Variants in PREX2 observed in about 807,000 individuals in gnomAD.
PREX2 encodes phosphatidylinositol-3,4,5-trisphosphate dependent Rac exchange factor 2, also known as phosphatidylinositol 3,4,5-trisphosphate-dependent Rac exchanger 2 protein.
In PREX2, 107 loss-of-function variants were observed where a neutral mutation model predicts 203.2. The observed-to-expected ratio is 0.53, with a 90% confidence interval of 0.45 to 0.62. The LOEUF (loss-of-function observed/expected upper bound fraction) is 0.62. Ranked by LOEUF, PREX2 falls within the 20% of genes least tolerant of loss-of-function variation. PREX2 has a pLI of 0.00. For missense variants in PREX2, 1,777 were observed against 1,955.9 expected (o/e 0.91, Z 1.72); for synonymous variants, 672 against 663.6 (o/e 1.01, Z -0.19).
intron 35 of PREX2, among the ~76,000 whole-genome samples, chr8:68,159,159 T>A (rs1394193237): frequency 6.6e-6 from 1 of 152,116 alleles, no homozygotes; most frequent in Non-Finnish European, 1.5e-5. Context: ...GGGAAGTAAT[T>A]CAAGATTTAA....
rs200889201 is a variant in PREX2 at position 68,231,495 on chromosome 8, T to TC, written c.*118dup. ...ATCAATGCTTTTTTTTTTTTTTTTT[T>TC]CTGTAAATCTTTCTTCCCATTGCAA... On this transcript the variant is annotated 3_prime_UTR_variant, in exon 40 of 40. Coordinates refer to ENST00000288368, the MANE Select transcript of PREX2 (RefSeq NM_024870.4). 8 of 712,000 alleles carry TC rather than the reference T, an allele frequency of 1.1e-5. No individual in the cohort carries two copies. Among genetic ancestry groups the TC allele is most frequent in the South Asian group, 5.4e-5 (2 of 37,110 alleles). The allele number at this position is 712,000 out of a possible 1,614,324, so 44.1% of individuals were successfully genotyped here. A position where few individuals can be genotyped will look rare whatever the true frequency, so the allele number is the denominator to read the frequency against.
intron 3 of PREX2, among the ~76,000 whole-genome samples, 173 bp downstream of exon 3, chr8:68,019,844 GCCT>G (rs1200598675): frequency 6.6e-6 from 1 of 152,170 alleles, no homozygotes; most frequent in Non-Finnish European, 1.5e-5. Context: ...AGGGGAGAGT[GCCT>G]CACATCATCC....
intron 6 of PREX2, among the ~76,000 whole-genome samples, chr8:68,034,161 A>C (rs2129610600): frequency 6.6e-6 from 1 of 152,176 alleles, no homozygotes; most frequent in Middle Eastern, 3.4e-3. Context: ...TGTATGTTTT[A>C]TTTGTTCATT....
At chr8:68,046,444 G>A (rs1208150845) in intron 8 of PREX2, among the ~76,000 whole-genome samples, 3 of 152,072 alleles carry the variant, frequency 2.0e-5, no homozygotes, top group African/African-American at 7.2e-5. Context: ...GACTTGAATT[G>A]CACAGATGGT....
chr8:68,166,942 A>G (rs559812720), intron 35 of PREX2, among the ~76,000 whole-genome samples: 1 of 152,258 alleles, frequency 6.6e-6, no homozygotes, highest in Non-Finnish European at 1.5e-5. Context: ...GACAGAGAAA[A>G]AAAATCAAAG....
chr8:68,030,421 T>C, intron 5 of PREX2, 76 bp from the exon 6 acceptor site: 1 of 1,403,098 alleles, frequency 7.1e-7, no homozygotes, highest in Non-Finnish European at 9.7e-7. Flanking sequence ...GCAGTTTTCA[T>C]TTCCTGGTCA....
chr8:68,181,540 T>G (rs866453607), intron 35 of PREX2, among the ~76,000 whole-genome samples: 21 of 152,258 alleles, frequency 1.4e-4, no homozygotes, highest in South Asian at 2.1e-4. Context: ...TTTGTCTTTC[T>G]CAGTCAGCTA....
Position 68,232,290 on chromosome 8 carries a change from A to G in PREX2, c.*912A>G, listed in dbSNP as rs1026238429. 2.0e-5 allele frequency: 3 copies of G among 152,190 alleles called. No homozygotes were observed. The highest frequency in any genetic ancestry group is 7.2e-5 in the African/African-American group (3 of 41,460). 9.4% of individuals were successfully genotyped at this position (152,190 alleles called of 1,614,324 possible). On this transcript the variant is annotated 3_prime_UTR_variant, in exon 40 of 40. Transcript: ENST00000288368. ...CTCATATGAGAGGTCAGACTCTTCA[A>G]AGAATACACCATCATGAGAATTTTT...
intron 1 of PREX2, among the ~76,000 whole-genome samples, chr8:67,972,825 C>T (rs1805963417): frequency 6.6e-6 from 1 of 152,118 alleles, no homozygotes; most frequent in African/African-American, 2.4e-5. Context: ...TTATATTGCT[C>T]CAGTGAAGAT....
At chr8:68,119,539 T>A (rs751733181) in intron 28 of PREX2, 25 bp downstream of exon 28, 1 of 1,549,288 alleles carries the variant, frequency 6.5e-7, no homozygotes, top group East Asian at 2.2e-5. Context: ...TTGTGGGGCT[T>A]TTGTTCCACA....
intron 38 of PREX2, among the ~76,000 whole-genome samples, chr8:68,219,295 T>C (rs543222910): frequency 7.0e-6 from 1 of 143,762 alleles, no homozygotes; most frequent in South Asian, 2.6e-4. Context: ...AAAGTGGAAA[T>C]AGAGAAAATA....
intron 25 of PREX2, among the ~76,000 whole-genome samples, chr8:68,110,564 C>T (rs1040781213): frequency 1.6e-4 from 25 of 152,150 alleles, no homozygotes; most frequent in African/African-American, 6.0e-4. Context: ...GTACTCTCTT[C>T]GTGAAGTTGT....
intron 35 of PREX2, among the ~76,000 whole-genome samples, chr8:68,159,933 T>C (rs1811622650): frequency 6.6e-6 from 1 of 152,148 alleles, no homozygotes; most frequent in South Asian, 2.1e-4. Flanking sequence ...CTTCACCCAA[T>C]TGCTATAAGC....
chr8:68,138,580 G>A (rs1239065483), intron 33 of PREX2, 63 bp downstream of exon 33: 1 of 732,198 alleles, frequency 1.4e-6, no homozygotes, highest in South Asian at 2.0e-5. Context: ...ATATAACTTT[G>A]GTATTAATAT....
Position 67,955,170 on chromosome 8 carries a change from A to AAAAAAAAT in PREX2, c.141+2636_141+2637insAAAAAATA, listed in dbSNP as rs1554556251. 7.2e-5 allele frequency among the ~76,000 whole-genome samples: 10 copies of AAAAAAAAT among 139,486 alleles called. 1 individual carries two copies. Among genetic ancestry groups the AAAAAAAAT allele is most frequent in the South Asian group, 4.7e-4 (2 of 4,234 alleles). 91.5% of individuals were successfully genotyped at this position (139,486 alleles called of 152,430 possible). A position where few individuals can be genotyped will look rare whatever the true frequency, so the allele number is the denominator to read the frequency against. On this transcript the variant is annotated intron_variant, in intron 1 of 39. Transcript: ENST00000288368. Reference sequence around the variant, plus strand: ...CTCAAAAAAAAAAAAAAAAAAAAAAAAGAAATCATATGGCTAGAGGGAAAA... The same window carrying AAAAAAAAT: ...CTCAAAAAAAAAAAAAAAAAAAAAAAAAAAAAATAGAAATCATATGGCTAGAGGGAAAA...
At chr8:68,163,864 A>G (rs1282241681) in intron 35 of PREX2, among the ~76,000 whole-genome samples, 1 of 152,152 alleles carries the variant, frequency 6.6e-6, no homozygotes, top group African/African-American at 2.4e-5. Context: ...TTTATTGTAA[A>G]CAATAGCCCT....
rs187054769 is a variant in PREX2, at chr8:68,177,509, G to A, written c.4347-14213G>A. On this transcript the variant is annotated intron_variant, in intron 35 of 39. Transcript: ENST00000288368. ...GAGCCCAGGAGTTTGAGGTTATAGC[G>A]AGCTATGATTGCATCATTGCACTCC... Among the ~76,000 whole-genome samples, 300 of 152,266 alleles carry A rather than the reference G, an allele frequency of 2.0e-3. 1 individual carries two copies. The highest frequency in any genetic ancestry group is 6.9e-3 in the African/African-American group (287 of 41,560).
At chr8:68,089,725 T>C (rs2129612195) in intron 19 of PREX2, among the ~76,000 whole-genome samples, 1 of 152,370 alleles carries the variant, frequency 6.6e-6, no homozygotes, top group East Asian at 1.9e-4. Flanking sequence ...TAAATTATTT[T>C]CTTAAAGATG....
intron 5 of PREX2, among the ~76,000 whole-genome samples, chr8:68,028,101 G>A (rs1164644516): frequency 6.6e-6 from 1 of 151,884 alleles, no homozygotes; most frequent in Non-Finnish European, 1.5e-5. Context: ...GCATGTAATC[G>A]AACCTCTTAA....
Sources: allele counts gnomAD v4.1 joint callset (sites outside exome capture counted in the v4.1 genomes callset), GRCh38; gene constraint gnomAD v4.1.1; transcripts MANE v1.5; gene names NCBI Gene and HGNC (gene_info 2026-07-23, HGNC 2026-07-21).